Variants in HMGN3 observed in about 807,000 individuals in gnomAD.
The protein encoded by HMGN3 is high mobility group nucleosome-binding domain-containing protein 3.
HMGN3 carries 6 observed loss-of-function variants against 18.8 expected under a neutral mutation model. The observed-to-expected ratio is 0.32, with a 90% CI of 0.18 to 0.63. The LOEUF (loss-of-function observed/expected upper bound fraction) is 0.63, where lower values mean the gene tolerates loss of function less well. Among genes scored for constraint, HMGN3 ranks in the 30% least tolerant of loss-of-function variants. HMGN3 has a pLI of 0.79. For synonymous variants in HMGN3, 40 were observed against 36.5 expected (o/e 1.10, Z -0.35); for missense variants, 107 against 114.2 (o/e 0.94, Z 0.29).
chr6:79,208,645 T>C, intron 2 of HMGN3, 69 bp from the exon 3 acceptor site: 1 of 1,195,556 alleles, frequency 8.4e-7, no homozygotes, highest in African/African-American at 1.5e-5. Context: ...TTTTTAAAAA[T>C]CTATTCTTAA....
At chr6:79,203,479 T>C (rs1776252858) in intron 4 of HMGN3, 101 bp downstream of exon 4, 3 of 1,032,912 alleles carry the variant, frequency 2.9e-6, no homozygotes, top group South Asian at 1.3e-5. Flanking sequence ...TGGTTTCAGT[T>C]TGGATCATTA....
intron 1 of HMGN3, among the ~76,000 whole-genome samples, chr6:79,221,938 T>TATTGGTACATGC (rs1179600512): frequency 6.6e-6 from 1 of 151,370 alleles, no homozygotes; most frequent in East Asian, 2.0e-4. Flanking sequence ...TTGGTACATG[T>TATTGGTACATGC]AGTACAAATT....
At chr6:79,203,905 A>G (rs1427171508) in intron 3 of HMGN3, among the ~76,000 whole-genome samples, 1 of 152,194 alleles carries the variant, frequency 6.6e-6, no homozygotes, top group Non-Finnish European at 1.5e-5. Context: ...GAACAGGTCT[A>G]AGCTTCTATC....
At chr6:79,233,991 C>T (rs1209830754) in intron 1 of HMGN3, 1 of 152,920 alleles carries the variant, frequency 6.5e-6, no homozygotes, top group Admixed American at 6.5e-5. Context: ...GGAGTTGGTA[C>T]ATACGGGTCT....
chr6:79,216,732 C>G (rs1777006002), intron 1 of HMGN3, among the ~76,000 whole-genome samples: 1 of 152,150 alleles, frequency 6.6e-6, no homozygotes. Context: ...GTAGAGATGG[C>G]AAAATCTTAG....
At chr6:79,201,840 C>T in intron 5 of HMGN3, 114 bp from the exon 7 acceptor site, 1 of 1,468,136 alleles carries the variant, frequency 6.8e-7, no homozygotes, top group Non-Finnish European at 9.0e-7. Context: ...TTTTTTTTTT[C>T]CAGCTTTACT....
intron 1 of HMGN3, among the ~76,000 whole-genome samples, chr6:79,229,844 C>T (rs73468058): frequency 0.013 from 1,933 of 152,110 alleles, 45 homozygotes; most frequent in African/African-American, 0.044. Context: ...CGCTACTGCC[C>T]TCCAGCCTGG....
intron 1 of HMGN3, among the ~76,000 whole-genome samples, chr6:79,226,435 G>A (rs1426656261): frequency 2.0e-5 from 3 of 152,180 alleles, no homozygotes; most frequent in Non-Finnish European, 2.9e-5. Context: ...GCTAAAAACA[G>A]TCTGACTCAT....
At chr6:79,213,066 T>C (rs1288299799) in intron 2 of HMGN3, among the ~76,000 whole-genome samples, 1 of 150,886 alleles carries the variant, frequency 6.6e-6, no homozygotes, top group African/African-American at 2.4e-5. Flanking sequence ...AAAATAACAA[T>C]TAAAAATAAA....
At chr6:79,214,662 T>G (rs1464446419) in intron 2 of HMGN3, among the ~76,000 whole-genome samples, 1 of 152,194 alleles carries the variant, frequency 6.6e-6, no homozygotes, top group Non-Finnish European at 1.5e-5. Context: ...AATTTACCTA[T>G]TATCTTACTC....
At chr6:79,218,732 T>C (rs1777116507) in intron 1 of HMGN3, among the ~76,000 whole-genome samples, 1 of 152,302 alleles carries the variant, frequency 6.6e-6, no homozygotes, top group Admixed American at 6.5e-5. Flanking sequence ...TTTCTTAAGC[T>C]AGATGGTGGT....
At chr6:79,214,259 T>G (rs1776848103) in intron 2 of HMGN3, among the ~76,000 whole-genome samples, 1 of 151,246 alleles carries the variant, frequency 6.6e-6, no homozygotes, top group Non-Finnish European at 1.5e-5. Context: ...TGGAGTGCAG[T>G]GGTGTGATCT....
chr6:79,214,855 T>C (rs1412228144), intron 2 of HMGN3, 117 bp downstream of exon 2: 1 of 663,078 alleles, frequency 1.5e-6, no homozygotes, highest in African/African-American at 1.9e-5. Flanking sequence ...ACCTTGATCA[T>C]TCATATTAAA....
intron 1 of HMGN3, among the ~76,000 whole-genome samples, chr6:79,233,160 C>A (rs1461725214): frequency 1.3e-5 from 2 of 152,110 alleles, no homozygotes; most frequent in Non-Finnish European, 2.9e-5. Context: ...AGATGCAGGA[C>A]AATTTATGTC....
intron 1 of HMGN3, among the ~76,000 whole-genome samples, chr6:79,220,842 A>G (rs1294626494): frequency 1.3e-5 from 2 of 152,170 alleles, no homozygotes; most frequent in African/African-American, 4.8e-5. Flanking sequence ...AAGAATACAC[A>G]ACAAATTCGT....
chr6:79,223,624 T>C (rs1362709087), intron 1 of HMGN3, among the ~76,000 whole-genome samples: 2 of 152,192 alleles, frequency 1.3e-5, no homozygotes, highest in East Asian at 3.9e-4. Context: ...GGGAATCGCT[T>C]GACCCTGGGA....
Position 79,230,186 on chromosome 6 carries a change from A to G in HMGN3, c.15+4360T>C, listed in dbSNP as rs543215710. 3.3e-5 allele frequency among the ~76,000 whole-genome samples: 5 copies of G among 152,322 alleles called. No individual in the cohort carries two copies. The South Asian group carries it at 1.0e-3, about 32-fold the overall frequency. The stretch of plus-strand genomic sequence containing the variant: ...TGCTGAGTGAAAAAATCAGTCACAA[A>G]AGACTACATATTGTATCATTTCTTT... On this transcript the variant is annotated intron_variant, in intron 1 of 5. Coordinates refer to ENST00000344726, the Ensembl canonical transcript of HMGN3.
chr6:79,208,365 T>C (rs1188894986), intron 3 of HMGN3, among the ~76,000 whole-genome samples, 182 bp downstream of exon 3: 1 of 152,218 alleles, frequency 6.6e-6, no homozygotes, highest in African/African-American at 2.4e-5. Flanking sequence ...TCTGACACAT[T>C]TGATCAAGTG....
chr6:79,216,224 T>C (rs961270148), intron 1 of HMGN3, among the ~76,000 whole-genome samples: 1 of 152,230 alleles, frequency 6.6e-6, no homozygotes, highest in Non-Finnish European at 1.5e-5. Flanking sequence ...AATATGGTTT[T>C]ATTTGTACTA....
Sources: allele counts gnomAD v4.1 joint callset (sites outside exome capture counted in the v4.1 genomes callset), GRCh38; gene constraint gnomAD v4.1.1; transcripts MANE v1.5; gene names NCBI Gene and HGNC (gene_info 2026-07-23, HGNC 2026-07-21).